Variants in DISC1 observed in about 807,000 individuals in gnomAD.
DISC1 encodes DISC1 scaffold protein, also known as disrupted in schizophrenia 1 protein.
Under a neutral mutation model 84.5 loss-of-function variants are expected in DISC1, and 57 were observed. That is an observed-to-expected ratio of 0.67 (90% confidence interval 0.55 to 0.84). The LOEUF (loss-of-function observed/expected upper bound fraction) is 0.84, where lower values mean the gene tolerates loss of function less well. DISC1 is among the 40% of genes least tolerant of loss of function. The probability of loss-of-function intolerance (pLI) is 0.00; values close to 1 mark genes in which losing one functional copy is unlikely to be tolerated. For missense variants in DISC1, 1,000 were observed against 1,057.8 expected, an observed-to-expected ratio of 0.95 and a Z score of 0.76; for synonymous variants, 411 against 415.2, an observed-to-expected ratio of 0.99 and a Z score of 0.12.
chr1:231,837,144 A>G (rs1335696155), intron 9 of DISC1, among the ~76,000 whole-genome samples: 1 of 152,224 alleles, frequency 6.6e-6, no homozygotes, highest in Non-Finnish European at 1.5e-5. Flanking sequence ...ATTAATATTA[A>G]TCGTGAGCCC....
intron 10 of DISC1, among the ~76,000 whole-genome samples, chr1:231,966,612 T>C (rs969701755): frequency 6.6e-6 from 1 of 152,252 alleles, no homozygotes; most frequent in Non-Finnish European, 1.5e-5. Flanking sequence ...ATTTAACTGA[T>C]GGAATCTCTT....
intron 2 of DISC1, 70 bp from the exon 3 acceptor site, chr1:231,701,885 T>C: frequency 7.5e-7 from 1 of 1,326,602 alleles, no homozygotes; most frequent in Non-Finnish European, 1.0e-6. Flanking sequence ...TAAATGTTCT[T>C]AGTTTTCACA....
chr1:231,964,073 C>T (rs1340060320), intron 10 of DISC1, among the ~76,000 whole-genome samples: 1 of 152,078 alleles, frequency 6.6e-6, no homozygotes, highest in Non-Finnish European at 1.5e-5. Flanking sequence ...TTAGTTTTTA[C>T]TTCTTCTTTC....
chr1:231,669,113 G>C (rs1000480346), intron 1 of DISC1, among the ~76,000 whole-genome samples: 3 of 152,172 alleles, frequency 2.0e-5, no homozygotes, highest in Admixed American at 1.3e-4. Flanking sequence ...TCCTCAAGTT[G>C]GTTGAGAAAG....
chr1:231,846,339 ACTGT>A (rs1170525798), intron 9 of DISC1, among the ~76,000 whole-genome samples: 3 of 152,200 alleles, frequency 2.0e-5, no homozygotes, highest in Non-Finnish European at 4.4e-5. Context: ...CTGCGAAGAC[ACTGT>A]CTGCCTTGGA....
rs116225136 is a variant in DISC1, at chr1:231,772,668, G to A, written c.1634+1598G>A. On this transcript the variant is annotated intron_variant, in intron 6 of 12. Coordinates refer to ENST00000439617, the MANE Select transcript of DISC1 (RefSeq NM_018662.3). ...TAAGCACTTTATTGTGCTTCCAGTC[G>A]TCGTCTTTACAATGGAAATTTCAGT... 9.6e-3 allele frequency among the ~76,000 whole-genome samples: 1,462 copies of A among 152,252 alleles called. 24 individuals are homozygous for A. Among genetic ancestry groups the A allele is most frequent in the African/African-American group, 0.033 (1,354 of 41,534 alleles).
rs753430870 is a variant in DISC1 at position 231,693,793 on chromosome 1, T to G, written c.68-33T>G. 75 of 1,611,786 alleles carry G rather than the reference T, an allele frequency of 4.7e-5. 2 individuals are homozygous for G. Among genetic ancestry groups the G allele is most frequent in the Middle Eastern group, 2.1e-4 (1 of 4,662 alleles). The stretch of plus-strand genomic sequence containing the variant: ...TCCAGCTGGGCCAGTAAGATCTGCA[T>G]GTTTATGGTGCTGTTTTTTCTTTTC... On this transcript the variant is annotated intron_variant, in intron 1 of 12. Coordinates refer to ENST00000439617, the MANE Select transcript of DISC1 (RefSeq NM_018662.3).
chr1:231,815,529 G>A (rs2080854049), intron 8 of DISC1, among the ~76,000 whole-genome samples: 1 of 152,154 alleles, frequency 6.6e-6, no homozygotes, highest in Admixed American at 6.5e-5. Flanking sequence ...ACGAGGTCAG[G>A]AGTTTGAGAA....
intron 8 of DISC1, among the ~76,000 whole-genome samples, chr1:231,812,844 G>A (rs1173562465): frequency 6.6e-6 from 1 of 152,184 alleles, no homozygotes; most frequent in African/African-American, 2.4e-5. Context: ...ATCAAGCAAG[G>A]TCTTGGTCTA....
intron 9 of DISC1, among the ~76,000 whole-genome samples, chr1:231,886,294 A>T (rs2086676007): frequency 1.3e-5 from 2 of 152,236 alleles, no homozygotes. Context: ...TACTTATTAA[A>T]TAATATTGAC....
At chr1:231,839,636 T>TA (rs2082887189) in intron 9 of DISC1, among the ~76,000 whole-genome samples, 1 of 152,130 alleles carries the variant, frequency 6.6e-6, no homozygotes, top group African/African-American at 2.4e-5. Context: ...ACAGTTGTGT[T>TA]AGTCTGTTTG....
At chr1:231,780,093 G>C (rs1055709528) in intron 6 of DISC1, among the ~76,000 whole-genome samples, 1 of 151,804 alleles carries the variant, frequency 6.6e-6, no homozygotes, top group Non-Finnish European at 1.5e-5. Context: ...GTTGTGGGCT[G>C]GGGGGAGGGG....
At chr1:231,802,845 T>G (rs2079384505) in intron 8 of DISC1, among the ~76,000 whole-genome samples, 1 of 152,084 alleles carries the variant, frequency 6.6e-6, no homozygotes, top group Admixed American at 6.6e-5. Context: ...AGGATCTTTT[T>G]TTTTCTAGTT....
At chr1:232,021,311 A>G (rs967390987) in intron 11 of DISC1, among the ~76,000 whole-genome samples, 5 of 149,580 alleles carry the variant, frequency 3.3e-5, no homozygotes, top group Non-Finnish European at 7.4e-5. Flanking sequence ...TTTTCTAGGA[A>G]ATTTTTACTG....
At chr1:231,899,473 A>G (rs1397233947) in intron 9 of DISC1, among the ~76,000 whole-genome samples, 1 of 152,186 alleles carries the variant, frequency 6.6e-6, no homozygotes, top group Non-Finnish European at 1.5e-5. Context: ...GTCTTGGTCT[A>G]TGCTTTGATC....
At chr1:231,710,956 CA>C (rs957527618) in intron 3 of DISC1, among the ~76,000 whole-genome samples, 24 of 152,062 alleles carry the variant, frequency 1.6e-4, no homozygotes, top group African/African-American at 5.5e-4. Context: ...GGTATTTCCA[CA>C]AAATTTGAAT....
At position 231,772,879 on chromosome 1, in the gene DISC1, T is replaced by TCAAC. The variant is rs201989038; in HGVS notation, c.1634+1810_1634+1811insAACC. On this transcript the variant is annotated intron_variant, in intron 6 of 12. Coordinates refer to ENST00000439617, the MANE Select transcript of DISC1 (RefSeq NM_018662.3). The stretch of plus-strand genomic sequence containing the variant: ...TCCCGAATATTTCCAGGCAGAACTC[T>TCAAC]CCATGGCTCATGCCCATGGAGAGGG... Among the ~76,000 whole-genome samples the TCAAC allele has an allele frequency of 5.9e-3, 894 of 152,284 alleles. 10 individuals carry two copies. The highest frequency in any genetic ancestry group is 0.021 in the African/African-American group (856 of 41,546).
intron 6 of DISC1, among the ~76,000 whole-genome samples, chr1:231,774,475 G>A (rs1326692678): frequency 6.6e-6 from 1 of 152,150 alleles, no homozygotes; most frequent in East Asian, 1.9e-4. Context: ...GCTGGAGTGT[G>A]GCCACCCTGA....
Position 232,039,772 on chromosome 1 carries a change from T to C in DISC1, c.*2941T>C, listed in dbSNP as rs1027093171. 2.0e-5 allele frequency: 3 copies of C among 152,010 alleles called. No individual in the cohort carries two copies. Among genetic ancestry groups the C allele is most frequent in the African/African-American group, 7.2e-5 (3 of 41,400 alleles). The allele number at this position is 152,010 out of a possible 1,614,324, so 9.4% of individuals were successfully genotyped here. On this transcript the variant is annotated 3_prime_UTR_variant, in exon 13 of 13. Coordinates refer to ENST00000439617, the MANE Select transcript of DISC1 (RefSeq NM_018662.3). Reference sequence around the variant, plus strand: ...GCATCAAAACAACAACAATGGAAATTTATGTTGGCGATAGCCAAGACCACA... The same window carrying C: ...GCATCAAAACAACAACAATGGAAATCTATGTTGGCGATAGCCAAGACCACA...
Sources: allele counts gnomAD v4.1 joint callset (sites outside exome capture counted in the v4.1 genomes callset), GRCh38; gene constraint gnomAD v4.1.1; transcripts MANE v1.5; gene names NCBI Gene and HGNC (gene_info 2026-07-23, HGNC 2026-07-21).